The following CLASP1 variants were observed in gnomAD, a reference collection of about 807,000 sequenced individuals.
CLASP1 encodes CLIP-associating protein 1.
A neutral mutation model predicts 192.3 loss-of-function variants in CLASP1; 38 were observed. That is an observed-to-expected ratio of 0.20 (90% CI 0.15 to 0.26). The LOEUF (loss-of-function observed/expected upper bound fraction) is 0.26, where lower values mean the gene tolerates loss of function less well. Among genes scored for constraint, CLASP1 ranks in the 10% least tolerant of loss-of-function variants. CLASP1 has a pLI of 1.00. For synonymous variants in CLASP1, 691 were observed against 712.8 expected (o/e 0.97, Z 0.49); for missense variants, 1,433 against 1,932.5 (o/e 0.74, Z 4.85).
chr2:121,603,349 AAATGCAAATCAAAACCAC>A (rs1258551708), intron 2 of CLASP1, among the ~76,000 whole-genome samples: 1 of 152,200 alleles, frequency 6.6e-6, no homozygotes, highest in African/African-American at 2.4e-5. Flanking sequence ...ATCATGAGGG[AAATGCAAATCAAAACCAC>A]AATGAGGTAT....
chr2:121,401,747 A>G, intron 27 of CLASP1, 75 bp from the exon 29 acceptor site: 1 of 1,288,730 alleles, frequency 7.8e-7, no homozygotes, highest in Non-Finnish European at 1.1e-6. Context: ...AACATTAAAA[A>G]TGCCCATACG....
At chr2:121,435,341 C>A (rs1287175107) in intron 19 of CLASP1, among the ~76,000 whole-genome samples, 1 of 152,162 alleles carries the variant, frequency 6.6e-6, no homozygotes, top group Non-Finnish European at 1.5e-5. Context: ...ATGGCGCAAT[C>A]TGGGCTCACT....
intron 8 of CLASP1, among the ~76,000 whole-genome samples, chr2:121,477,684 C>G (rs2091811529): frequency 6.6e-6 from 1 of 152,154 alleles, no homozygotes; most frequent in Non-Finnish European, 1.5e-5. Flanking sequence ...TATTGTGACA[C>G]TTTGTGCATA....
In CLASP1 at chr2:121,530,503, G is replaced by A. The variant is rs148722400; in HGVS notation, c.196-178C>T. On this transcript the variant is annotated intron_variant, in intron 2 of 39. Coordinates refer to ENST00000263710, the Ensembl canonical transcript of CLASP1. ...AGAAGGATGATCTTCCACAAAAAGA[G>A]CTATGTACAGCTATAATGGAAAATA... 6.1e-4 allele frequency: 357 copies of A among 586,518 alleles called. 1 individual carries two copies. In the East Asian group the frequency reaches 9.2e-3, roughly 15 times the overall value. 36.3% of individuals were successfully genotyped at this position (586,518 alleles called of 1,614,324 possible).
At chr2:121,364,038 T>C (rs1413180113) in intron 36 of CLASP1, 1 of 152,264 alleles carries the variant, frequency 6.6e-6, no homozygotes, top group African/African-American at 2.4e-5. Context: ...CATAACTGCC[T>C]TACGAGCCAA....
At chr2:121,554,259 C>T (rs1343928361) in intron 2 of CLASP1, among the ~76,000 whole-genome samples, 2 of 151,758 alleles carry the variant, frequency 1.3e-5, no homozygotes. Flanking sequence ...TAAAGAAGAA[C>T]AAACTATTGA....
intron 15 of CLASP1, 31 bp from the exon 16 acceptor site, chr2:121,451,021 T>A: frequency 7.2e-7 from 1 of 1,385,316 alleles, no homozygotes; most frequent in Non-Finnish European, 1.0e-6. Flanking sequence ...GCAGTAACAA[T>A]CATAAATGTA....
At chr2:121,585,244 A>G (rs920691303) in intron 2 of CLASP1, among the ~76,000 whole-genome samples, 1 of 152,214 alleles carries the variant, frequency 6.6e-6, no homozygotes, top group Non-Finnish European at 1.5e-5. Flanking sequence ...CCTTCAAATA[A>G]AAGAAGAGAA....
At chr2:121,511,154 T>A (rs1422445519) in intron 7 of CLASP1, among the ~76,000 whole-genome samples, 1 of 152,232 alleles carries the variant, frequency 6.6e-6, no homozygotes, top group Non-Finnish European at 1.5e-5. Flanking sequence ...AAAAAGGTAA[T>A]CATAGTTTAC....
rs199514079 is a variant in CLASP1, at chr2:121,387,946, T to C, written c.3124-40A>G. 859 of 1,465,888 alleles carry C rather than the reference T, an allele frequency of 5.9e-4. 3 individuals are homozygous for C. The African/African-American group carries it at 6.6e-3, about 11-fold the overall frequency. The allele number at this position is 1,465,888 out of a possible 1,614,324, so 90.8% of individuals were successfully genotyped here. A position where few individuals can be genotyped will look rare whatever the true frequency, so the allele number is the denominator to read the frequency against. On this transcript the variant is annotated intron_variant, in intron 30 of 39. Transcript: ENST00000263710. Reference sequence around the variant, plus strand: ...CATGATTAATTTATGTAATGTACAATAGGTCATCAAAATGTTGATTAAAGT... The same window carrying C: ...CATGATTAATTTATGTAATGTACAACAGGTCATCAAAATGTTGATTAAAGT...
intron 9 of CLASP1, among the ~76,000 whole-genome samples, chr2:121,465,041 T>A (rs1035871423): frequency 2.6e-5 from 4 of 152,180 alleles, no homozygotes; most frequent in African/African-American, 9.7e-5. Context: ...GAGCTATCTA[T>A]GACAAACCCA....
intron 30 of CLASP1, among the ~76,000 whole-genome samples, chr2:121,396,694 A>G (rs2149435846): frequency 6.6e-6 from 1 of 152,218 alleles, no homozygotes; most frequent in East Asian, 1.9e-4. Context: ...CACATATCAC[A>G]CATATACTTA....
chr2:121,554,068 T>TA (rs1483730457), intron 2 of CLASP1, among the ~76,000 whole-genome samples: 2 of 148,642 alleles, frequency 1.3e-5, no homozygotes, highest in African/African-American at 4.9e-5. Context: ...AAAAAAAACT[T>TA]AGATGTGTGT....
chr2:121,444,980 A>G (rs757247756), intron 19 of CLASP1: 2 of 1,351,544 alleles, frequency 1.5e-6, no homozygotes, highest in Non-Finnish European at 2.0e-6. Context: ...CAAATTAAAA[A>G]ACAAGGGAAG....
At chr2:121,557,937 C>T (rs1304339976) in intron 2 of CLASP1, among the ~76,000 whole-genome samples, 3 of 151,128 alleles carry the variant, frequency 2.0e-5, no homozygotes, top group Non-Finnish European at 4.4e-5. Context: ...TAAAATTAGC[C>T]GGGCATGGTG....
At chr2:121,550,470 A>G (rs927740576) in intron 2 of CLASP1, among the ~76,000 whole-genome samples, 8 of 152,150 alleles carry the variant, frequency 5.3e-5, no homozygotes. Flanking sequence ...TTTTAAAAAA[A>G]AATTAATAAG....
intron 37 of CLASP1, among the ~76,000 whole-genome samples, chr2:121,351,735 C>T (rs2064470945): frequency 6.6e-6 from 1 of 152,162 alleles, no homozygotes; most frequent in Non-Finnish European, 1.5e-5. Context: ...TGGTGGAGCT[C>T]CGGATCAGCA....
chr2:121,619,467 C>T (rs2066977199), intron 1 of CLASP1, among the ~76,000 whole-genome samples: 1 of 152,068 alleles, frequency 6.6e-6, no homozygotes, highest in Non-Finnish European at 1.5e-5. Flanking sequence ...ATGCAGCTGG[C>T]AGATCAGTTA....
chr2:121,400,954 G>A (rs944463185), intron 28 of CLASP1, among the ~76,000 whole-genome samples: 10 of 152,172 alleles, frequency 6.6e-5, no homozygotes, highest in African/African-American at 2.2e-4. Flanking sequence ...ATAGAGAAGC[G>A]GTTTCTGAAC....
Sources: gnomAD v4.1 joint callset for allele counts (sites outside exome capture counted in the v4.1 genomes callset) on GRCh38, gnomAD v4.1.1 for gene constraint, MANE v1.5 for transcripts, NCBI Gene and HGNC (gene_info 2026-07-23, HGNC 2026-07-21) for gene names.